Variants in GNG4 observed in about 807,000 individuals in gnomAD.
GNG4 encodes guanine nucleotide-binding protein G(I)/G(S)/G(O) subunit gamma-4.
A neutral mutation model predicts 5.8 loss-of-function variants in GNG4; 4 were observed. The observed-to-expected ratio is 0.69, with a 90% confidence interval of 0.34 to 1.57. The LOEUF is 1.57. Among genes scored for constraint, GNG4 ranks in the 40% most tolerant of loss-of-function variants. The pLI is 0.06. For missense variants in GNG4, 96 were observed against 95.1 expected, an observed-to-expected ratio of 1.01 and a Z score of -0.04; for synonymous variants, 29 against 32.9, an observed-to-expected ratio of 0.88 and a Z score of 0.41.
At chr1:235,603,648 A>C (rs531798205) in intron 1 of GNG4, among the ~76,000 whole-genome samples, 1 of 152,226 alleles carries the variant, frequency 6.6e-6, no homozygotes, top group Non-Finnish European at 1.5e-5. Context: ...CTCAACTTAC[A>C]TCTTGAGTGC....
At chr1:235,620,827 G>A (rs1378750628) in intron 1 of GNG4, among the ~76,000 whole-genome samples, 2 of 152,172 alleles carry the variant, frequency 1.3e-5, no homozygotes, top group African/African-American at 2.4e-5. Context: ...GAGCCACTGC[G>A]CCCGGCCAAA....
At chr1:235,646,462 A>G (rs1415509952) in intron 1 of GNG4, among the ~76,000 whole-genome samples, 1 of 152,216 alleles carries the variant, frequency 6.6e-6, no homozygotes, top group Non-Finnish European at 1.5e-5. Context: ...TGTGAGTATC[A>G]AAGGAGATCA....
rs751896590 is a variant in GNG4, at chr1:235,644,025, C to T, written c.-123+5637G>A. ...CGGAGCACACACAGAAAGATCTGCC[C>T]GAGAGAGTCCCCAAAAGGCACAATT... is the stretch of plus-strand genomic sequence containing the variant. On this transcript the variant is annotated intron_variant, in intron 1 of 3. Coordinates refer to ENST00000391854, the MANE Select transcript of GNG4 (RefSeq NM_001098722.2). The surrounding 1 kb of genome is among the most constrained non-coding windows in gnomAD (Gnocchi z 5.9). Among the ~76,000 whole-genome samples, 6 of 152,122 alleles carry T rather than the reference C, an allele frequency of 3.9e-5. No individual in the cohort carries two copies. The highest frequency in any genetic ancestry group is 1.3e-4 in the Admixed American group (2 of 15,278).
chr1:235,587,598 GGAGGGCATGGGGTGGGGT>G (rs1687833981), intron 2 of GNG4, among the ~76,000 whole-genome samples: 1 of 74,990 alleles, frequency 1.3e-5, no homozygotes, highest in Non-Finnish European at 3.9e-5. Context: ...TGTGAGTGTG[GGAGGGCATGGGGTGGGGT>G]GTGTGAATGT....
At position 235,579,862 on chromosome 1, in the gene GNG4, A is replaced by AAAAAAAAT. The variant is rs57019025; in HGVS notation, c.99+3877_99+3878insATTTTTTT. ...TGAGACTCCATCTCTCAAAAAAAAA[A>AAAAAAAAT]AGGTAAAAAGGTTGAACATAGAGTT... On this transcript the variant is annotated intron_variant, in intron 3 of 3. Coordinates refer to ENST00000391854, the MANE Select transcript of GNG4 (RefSeq NM_001098722.2). 2.9e-4 allele frequency among the ~76,000 whole-genome samples: 32 copies of AAAAAAAAT among 108,554 alleles called. 5 individuals are homozygous for AAAAAAAAT. The highest frequency in any genetic ancestry group is 1.1e-3 in the African/African-American group (29 of 26,014). The allele number at this position is 108,554 out of a possible 152,430, so 71.2% of individuals were successfully genotyped here. A position where few individuals can be genotyped will look rare whatever the true frequency, so the allele number is the denominator to read the frequency against.
chr1:235,573,473 A>AT (rs369285195), intron 3 of GNG4, among the ~76,000 whole-genome samples: 1,572 of 151,276 alleles, frequency 0.01, 27 homozygotes, highest in African/African-American at 0.036. Context: ...TTAAAGTATG[A>AT]TAAAAAAAAA....
rs889541647 is a variant in GNG4 at position 235,648,732 on chromosome 1, G to C, written c.-123+930C>G. ...GCCTTTTGCTCCGGCTGAGAGGCAC[G>C]GGCCCGGTGCCAGCATTTGACAGTC... is the stretch of plus-strand genomic sequence containing the variant. On this transcript the variant is annotated intron_variant, in intron 1 of 3. Coordinates refer to ENST00000391854, the MANE Select transcript of GNG4 (RefSeq NM_001098722.2). This position sits in a 1 kb window ranked among gnomAD's most constrained non-coding sequence, Gnocchi z 5.0. Among the ~76,000 whole-genome samples, 10 of 152,358 alleles carry C rather than the reference G, an allele frequency of 6.6e-5. No individual in the cohort carries two copies. The highest frequency in any genetic ancestry group is 2.1e-4 in the South Asian group (1 of 4,828).
rs995182289 is a variant in GNG4, at chr1:235,644,583, C to T, written c.-123+5079G>A. 1.3e-5 allele frequency among the ~76,000 whole-genome samples: 2 copies of T among 152,162 alleles called. No homozygotes were observed. Among genetic ancestry groups the T allele is most frequent in the Non-Finnish European group, 2.9e-5 (2 of 68,028 alleles). ...CCCTGCCATGCAGCCCCACAGCTGC[C>T]GGGGGGATAAACAAGCACCTTCAGA... On this transcript the variant is annotated intron_variant, in intron 1 of 3. Transcript: ENST00000391854. The surrounding 1 kb of genome is among the most constrained non-coding windows in gnomAD (Gnocchi z 5.9).
intron 3 of GNG4, among the ~76,000 whole-genome samples, chr1:235,559,851 A>G (rs1687013624): frequency 6.6e-6 from 1 of 152,238 alleles, no homozygotes; most frequent in Non-Finnish European, 1.5e-5. Context: ...AGCTAAATCT[A>G]AGATGCTTGA....
At chr1:235,606,757 G>T (rs1008482965) in intron 1 of GNG4, among the ~76,000 whole-genome samples, 3 of 152,052 alleles carry the variant, frequency 2.0e-5, no homozygotes, top group Non-Finnish European at 4.4e-5. Context: ...ACTTGTAGGG[G>T]CAGGGGAAGT....
intron 3 of GNG4, among the ~76,000 whole-genome samples, chr1:235,552,784 CAG>C (rs1467426298): frequency 6.6e-6 from 1 of 151,884 alleles, no homozygotes; most frequent in African/African-American, 2.4e-5. Flanking sequence ...TTTTTTGAGG[CAG>C]AGTCTCGCTC....
chr1:235,633,539 G>C (rs1196709492), intron 1 of GNG4, among the ~76,000 whole-genome samples: 1 of 152,152 alleles, frequency 6.6e-6, no homozygotes, highest in Non-Finnish European at 1.5e-5. Flanking sequence ...CCACGCTGGA[G>C]TGCAGTGGTG....
rs147260905 is a variant in GNG4, at chr1:235,625,262, T to A, written c.-123+24400A>T. On this transcript the variant is annotated intron_variant, in intron 1 of 3. Transcript: ENST00000391854. ...CTTCTTCTGCAAACTTCCCGGCATTTAAAAAAAATAAACTTTATTTTTTAG... is the reference window on the plus strand; with the variant it reads ...CTTCTTCTGCAAACTTCCCGGCATTAAAAAAAAATAAACTTTATTTTTTAG... Among the ~76,000 whole-genome samples, 553 of 152,156 alleles carry A rather than the reference T, an allele frequency of 3.6e-3. 7 individuals carry two copies. The highest frequency in any genetic ancestry group is 0.013 in the African/African-American group (530 of 41,508).
rs142734385 is a variant in GNG4 at position 235,603,450 on chromosome 1, C to G, written c.-122-7939G>C. Among the ~76,000 whole-genome samples, 188 of 152,194 alleles carry G rather than the reference C, an allele frequency of 1.2e-3. 5 individuals carry two copies. The East Asian group carries it at 0.026, about 21-fold the overall frequency. On this transcript the variant is annotated intron_variant, in intron 1 of 3. Coordinates refer to ENST00000391854, the MANE Select transcript of GNG4 (RefSeq NM_001098722.2). ...TCATCCTAGGCTGGAGCTGAATGTCCTGACCCCTGAAGGGAGTGCAGGGAA... is the reference window on the plus strand; with the variant it reads ...TCATCCTAGGCTGGAGCTGAATGTCGTGACCCCTGAAGGGAGTGCAGGGAA...
At chr1:235,557,982 C>T (rs1686961961) in intron 3 of GNG4, among the ~76,000 whole-genome samples, 1 of 152,148 alleles carries the variant, frequency 6.6e-6, no homozygotes, top group African/African-American at 2.4e-5. Flanking sequence ...TACCTGATGC[C>T]ACAATTTTTC....
At chr1:235,597,704 C>A (rs1162753031) in intron 1 of GNG4, among the ~76,000 whole-genome samples, 1 of 149,588 alleles carries the variant, frequency 6.7e-6, no homozygotes, top group Non-Finnish European at 1.5e-5. Flanking sequence ...CAGCTCACTG[C>A]AAACTCTACC....
Position 235,642,967 on chromosome 1 carries a change from G to A in GNG4, c.-123+6695C>T, listed in dbSNP as rs1163262351. On this transcript the variant is annotated intron_variant, in intron 1 of 3. Coordinates refer to ENST00000391854, the MANE Select transcript of GNG4 (RefSeq NM_001098722.2). This position sits in a 1 kb window ranked among gnomAD's most constrained non-coding sequence, Gnocchi z 4.3. Reference sequence around the variant, plus strand: ...CATCCATGCTCAGTCTGGAAACCCTGGGATCCCAGACACCAGCCTCTCCCT... The same window carrying A: ...CATCCATGCTCAGTCTGGAAACCCTAGGATCCCAGACACCAGCCTCTCCCT... Among the ~76,000 whole-genome samples the A allele has an allele frequency of 1.3e-5, 2 of 152,116 alleles. No homozygotes were observed. The highest frequency in any genetic ancestry group is 1.5e-5 in the Non-Finnish European group (1 of 68,016).
At position 235,642,232 on chromosome 1, in the gene GNG4, C is replaced by T. The variant is rs1657353408; in HGVS notation, c.-123+7430G>A. On this transcript the variant is annotated intron_variant, in intron 1 of 3. Transcript: ENST00000391854. The surrounding 1 kb of genome is among the most constrained non-coding windows in gnomAD (Gnocchi z 4.3). Reference sequence around the variant, plus strand: ...GGCGGGGTGAGCCTTGGCCCCGCTCCCGTGCAGGTGTCGCGGGTAAGCTGC... The same window carrying T: ...GGCGGGGTGAGCCTTGGCCCCGCTCTCGTGCAGGTGTCGCGGGTAAGCTGC... Among the ~76,000 whole-genome samples the T allele has an allele frequency of 6.6e-6, 1 of 152,240 alleles. No homozygotes were observed. Among genetic ancestry groups the T allele is most frequent in the Non-Finnish European group, 1.5e-5 (1 of 68,044 alleles).
chr1:235,567,868 A>G (rs553270385), intron 3 of GNG4, among the ~76,000 whole-genome samples: 3 of 152,294 alleles, frequency 2.0e-5, no homozygotes, highest in South Asian at 2.1e-4. Context: ...TTTCTATAAT[A>G]TTGATTTGGG....
Sources: allele counts gnomAD v4.1 joint callset (sites outside exome capture counted in the v4.1 genomes callset), GRCh38; gene constraint gnomAD v4.1.1; non-coding constraint Gnocchi (gnomAD v3.1); transcripts MANE v1.5; gene names NCBI Gene and HGNC (gene_info 2026-07-23, HGNC 2026-07-21).